ZNF804A: variants seen among roughly 807,000 people sequenced by gnomAD.
ZNF804A encodes the protein zinc finger protein 804A.
A neutral mutation model predicts 16.5 loss-of-function variants in ZNF804A; 2 were observed. The ratio of observed to expected loss-of-function variants is 0.12; its 90% CI spans 0.05 to 0.38. The LOEUF (loss-of-function observed/expected upper bound fraction) is 0.38, where lower values mean the gene tolerates loss of function less well. Among genes scored for constraint, ZNF804A ranks in the 10% least tolerant of loss-of-function variants. ZNF804A has a pLI of 0.99. For missense variants in ZNF804A, 1,473 were observed against 1,390.7 expected (o/e 1.06, Z -0.94); for synonymous variants, 534 against 489.6 (o/e 1.09, Z -1.20).
intron 1 of ZNF804A, among the ~76,000 whole-genome samples, chr2:184,798,907 T>G (rs1250519445): frequency 1.3e-5 from 2 of 152,142 alleles, no homozygotes; most frequent in Non-Finnish European, 2.9e-5. Flanking sequence ...GTTCAGATCC[T>G]TTTGTCCCAC....
At chr2:184,638,858 C>T (rs1256235624) in intron 1 of ZNF804A, among the ~76,000 whole-genome samples, 1 of 152,078 alleles carries the variant, frequency 6.6e-6, no homozygotes, top group Admixed American at 6.6e-5. Context: ...TCACATTTAG[C>T]TTTCTTTACT....
At chr2:184,607,206 C>T (rs1399505325) in intron 1 of ZNF804A, among the ~76,000 whole-genome samples, 1 of 152,210 alleles carries the variant, frequency 6.6e-6, no homozygotes, top group Non-Finnish European at 1.5e-5. Flanking sequence ...ACCCCAACAG[C>T]TTACCACACA....
At chr2:184,920,786 A>G (rs927049920) in intron 2 of ZNF804A, among the ~76,000 whole-genome samples, 1 of 152,216 alleles carries the variant, frequency 6.6e-6, no homozygotes, top group Non-Finnish European at 1.5e-5. Context: ...ACAGCCAATA[A>G]GAAGCCCAGG....
At chr2:184,870,638 C>T (rs1168866761) in intron 2 of ZNF804A, among the ~76,000 whole-genome samples, 1 of 151,690 alleles carries the variant, frequency 6.6e-6, no homozygotes, top group Admixed American at 6.6e-5. Flanking sequence ...ATTTAGACAC[C>T]CAATTAATGC....
At chr2:184,622,187 A>G (rs1691430965) in intron 1 of ZNF804A, among the ~76,000 whole-genome samples, 1 of 151,836 alleles carries the variant, frequency 6.6e-6, no homozygotes, top group South Asian at 2.1e-4. Context: ...AAAGGGTACA[A>G]TGATAACTGT....
chr2:184,749,191 G>T (rs1470046074), intron 1 of ZNF804A, among the ~76,000 whole-genome samples: 1 of 151,306 alleles, frequency 6.6e-6, no homozygotes, highest in African/African-American at 2.4e-5. Context: ...TAATGATATT[G>T]ATTCTCCAAT....
intron 1 of ZNF804A, among the ~76,000 whole-genome samples, chr2:184,726,517 T>G (rs551496512): frequency 6.6e-6 from 1 of 151,776 alleles, no homozygotes; most frequent in African/African-American, 2.4e-5. Flanking sequence ...AAAAATGTAT[T>G]TCCAATTGGA....
At chr2:184,920,336 G>C (rs1685511395) in intron 2 of ZNF804A, among the ~76,000 whole-genome samples, 1 of 152,192 alleles carries the variant, frequency 6.6e-6, no homozygotes, top group Admixed American at 6.5e-5. Flanking sequence ...ACTATGAGCA[G>C]TGGTCAGAAC....
chr2:184,923,607 G>T (rs998198015), intron 2 of ZNF804A, among the ~76,000 whole-genome samples: 1 of 151,946 alleles, frequency 6.6e-6, no homozygotes, highest in Non-Finnish European at 1.5e-5. Context: ...TGATGACAGT[G>T]GTCATTCTTG....
chr2:184,765,753 G>T (rs867444907), intron 1 of ZNF804A, among the ~76,000 whole-genome samples: 2 of 151,864 alleles, frequency 1.3e-5, no homozygotes, highest in African/African-American at 4.8e-5. Context: ...TTTTGTATAC[G>T]GCTCGTCCTG....
intron 1 of ZNF804A, among the ~76,000 whole-genome samples, chr2:184,657,316 G>T (rs1266855167): frequency 6.6e-6 from 1 of 151,998 alleles, no homozygotes; most frequent in African/African-American, 2.4e-5. Context: ...CGAACTCCTG[G>T]ACTCAAGTGA....
At chr2:184,610,361 A>G (rs1691216175) in intron 1 of ZNF804A, among the ~76,000 whole-genome samples, 1 of 152,192 alleles carries the variant, frequency 6.6e-6, no homozygotes, top group African/African-American at 2.4e-5. Context: ...TGTTGCAAAT[A>G]CTTTAGAAAA....
chr2:184,654,941 A>G (rs1265929163), intron 1 of ZNF804A, among the ~76,000 whole-genome samples: 1 of 152,190 alleles, frequency 6.6e-6, no homozygotes, highest in Non-Finnish European at 1.5e-5. Flanking sequence ...ATTTATTTAC[A>G]TACAACAAGA....
chr2:184,773,330 G>A (rs989382994), intron 1 of ZNF804A, among the ~76,000 whole-genome samples: 1 of 151,608 alleles, frequency 6.6e-6, no homozygotes, highest in African/African-American at 2.4e-5. Flanking sequence ...CCTCTGCTGT[G>A]AAAATAGAAT....
intron 2 of ZNF804A, among the ~76,000 whole-genome samples, chr2:184,907,924 A>G (rs540509698): frequency 1.3e-4 from 20 of 152,286 alleles, no homozygotes; most frequent in Admixed American, 1.2e-3. Context: ...AAAATCATAC[A>G]GATATTTGTT....
chr2:184,807,339 T>TCCAA, intron 1 of ZNF804A, among the ~76,000 whole-genome samples: 1 of 151,826 alleles, frequency 6.6e-6, no homozygotes, highest in Non-Finnish European at 1.5e-5. Context: ...CTGGGTTAAT[T>TCCAA]GTTTGCCATT....
chr2:184,829,314 A>AT (rs1459661927), intron 1 of ZNF804A, among the ~76,000 whole-genome samples: 2 of 151,952 alleles, frequency 1.3e-5, no homozygotes, highest in African/African-American at 4.8e-5. Context: ...AGAATAAATA[A>AT]TTTTTAAAGA....
chr2:184,685,738 A>G (rs78880814), intron 1 of ZNF804A, among the ~76,000 whole-genome samples: 26,600 of 152,150 alleles, frequency 0.17, 2,907 homozygotes, highest in South Asian at 0.25. Flanking sequence ...ATTCCAGGCC[A>G]TGGACTCTAC....
chr2:184,739,232 A>G (rs1461388525), intron 1 of ZNF804A, among the ~76,000 whole-genome samples: 1 of 152,214 alleles, frequency 6.6e-6, no homozygotes. Flanking sequence ...TTATAAACTC[A>G]AGGAATAAAA....
Sources: gnomAD v4.1 joint callset for allele counts (sites outside exome capture counted in the v4.1 genomes callset) on GRCh38, gnomAD v4.1.1 for gene constraint, MANE v1.5 for transcripts, NCBI Gene and HGNC (gene_info 2026-07-23, HGNC 2026-07-21) for gene names.